CHD2: variants seen among roughly 807,000 people sequenced by gnomAD.
CHD2 encodes the protein ATP-dependent chromatin remodeler CHD2.
Under a neutral mutation model 243.9 loss-of-function variants are expected in CHD2, and 28 were observed. The observed-to-expected ratio is 0.11, with a 90% CI of 0.09 to 0.16. The LOEUF (loss-of-function observed/expected upper bound fraction) is 0.16. Among genes scored for constraint, CHD2 ranks in the 10% least tolerant of loss-of-function variants. The probability of loss-of-function intolerance (pLI) is 1.00; values close to 1 mark genes in which losing one functional copy is unlikely to be tolerated. For synonymous variants in CHD2, 775 were observed against 779.0 expected (o/e 0.99, Z 0.09); for missense variants, 1,386 against 2,209.8 (o/e 0.63, Z 7.47).
chr15:92,915,093 C>T (rs899430183), intron 2 of CHD2: 1 of 152,090 alleles, frequency 6.6e-6, no homozygotes, highest in Non-Finnish European at 1.5e-5. Flanking sequence ...TAGTGGCCTT[C>T]CATAGATTCT....
chr15:92,907,142 A>AT (rs1223010747), intron 2 of CHD2, among the ~76,000 whole-genome samples: 2 of 151,752 alleles, frequency 1.3e-5, no homozygotes, highest in Non-Finnish European at 2.9e-5. Flanking sequence ...GGGGAGAGAC[A>AT]TTTTTTAAAA....
rs116715367 is a variant in CHD2, at chr15:92,905,597, T to G, written c.62+4298T>G. Among the ~76,000 whole-genome samples the G allele has an allele frequency of 2.7e-3, 412 of 152,322 alleles. 1 individual carries two copies. The highest frequency in any genetic ancestry group is 8.2e-3 in the African/African-American group (341 of 41,568). ...ATATTTGCTTGGGCGTATGTCAAGT[T>G]TCTGAATACAGTCTGTGAAAGTTAG... On this transcript the variant is annotated intron_variant, in intron 2 of 38. Coordinates refer to ENST00000394196, the MANE Select transcript of CHD2 (RefSeq NM_001271.4).
At chr15:92,973,884 T>A (rs576298953) in intron 19 of CHD2, 1 of 152,328 alleles carries the variant, frequency 6.6e-6, no homozygotes, top group African/African-American at 2.4e-5. Flanking sequence ...AATCTCCCAT[T>A]GAATACGTCT....
rs1243494390 is a variant in CHD2, at chr15:92,937,506, T to A, written c.444-12T>A. On this transcript the variant is annotated splice_polypyrimidine_tract_variant and intron_variant, in intron 5 of 38. Coordinates refer to ENST00000394196, the MANE Select transcript of CHD2 (RefSeq NM_001271.4). ...TTAGAAAAAAATTACTTTGTTTTGC[T>A]TTTGATCACAGAGAAAAATGGAAAC... 6.3e-7 allele frequency: 1 copy of A among 1,581,060 alleles called. No homozygotes were observed. The highest frequency in any genetic ancestry group is 1.4e-5 in the African/African-American group (1 of 73,074).
intron 7 of CHD2, 105 bp from the exon 8 acceptor site, chr15:92,941,717 T>G: frequency 8.3e-7 from 1 of 1,210,152 alleles, no homozygotes; most frequent in Non-Finnish European, 1.2e-6. Flanking sequence ...ACAACATGCT[T>G]TTGGAACCAA....
chr15:92,973,197 A>G (rs12594991), intron 19 of CHD2, among the ~76,000 whole-genome samples: 69,286 of 151,984 alleles, frequency 0.46, 16,857 homozygotes, highest in East Asian at 0.85. Flanking sequence ...TCCCTGAAGT[A>G]AGTGATGATG....
chr15:92,933,125 G>T (rs2053204914), intron 5 of CHD2, among the ~76,000 whole-genome samples: 1 of 149,260 alleles, frequency 6.7e-6, no homozygotes, highest in African/African-American at 2.5e-5. Flanking sequence ...CTGCAACCTT[G>T]AACTCCTGAG....
chr15:92,942,862 T>C lies in CHD2; in HGVS notation c.846T>C (p.Thr282=), dbSNP rs763813072. The change falls in exon 9 of 39, where the codon ACT becomes ACC. Residue 282 remains threonine (T), a synonymous_variant. Coordinates refer to ENST00000394196, the MANE Select transcript of CHD2 (RefSeq NM_001271.4). The stretch of plus-strand genomic sequence containing the variant: ...TTGCAGCCACTGGAGCATCTACTAC[T>C]GTATATGCGATTGAAGCTAATGGCG... ...GKKGATGAST[T]VYAIEANGDP... 16 of 1,612,648 alleles carry C rather than the reference T, an allele frequency of 9.9e-6. No individual in the cohort carries two copies. The highest frequency in any genetic ancestry group is 5.1e-6 in the Non-Finnish European group (6 of 1,179,364).
At chr15:92,933,037 C>T (rs936190580) in intron 5 of CHD2, among the ~76,000 whole-genome samples, 18 of 71,990 alleles carry the variant, frequency 2.5e-4, no homozygotes, top group East Asian at 4.3e-4. Context: ...CCACCGCGCC[C>T]GGCCCCTTTT....
chr15:93,011,027 G>A (rs1002830224), intron 35 of CHD2, among the ~76,000 whole-genome samples: 6 of 151,172 alleles, frequency 4.0e-5, no homozygotes, highest in East Asian at 1.9e-4. Flanking sequence ...TTTTTTTTCC[G>A]CTTAACACTG....
intron 20 of CHD2, 164 bp from the exon 21 acceptor site, chr15:92,978,070 T>G: frequency 1.3e-6 from 1 of 747,832 alleles, no homozygotes; most frequent in Non-Finnish European, 2.2e-6. Flanking sequence ...GAAAATTCAT[T>G]CTACCATCAA....
chr15:92,992,854 C>T lies in CHD2; in HGVS notation c.3456-5C>T, dbSNP rs373103482. 6.2e-7 allele frequency: 1 copy of T among 1,612,652 alleles called. No homozygotes were observed. The highest frequency in any genetic ancestry group is 1.3e-5 in the African/African-American group (1 of 75,058). On this transcript the variant is annotated splice_region_variant and splice_polypyrimidine_tract_variant and intron_variant, in intron 27 of 38. Coordinates refer to ENST00000394196, the MANE Select transcript of CHD2 (RefSeq NM_001271.4). ...TAAAGTGTCCCCATATTTGTTCCTCCTCAGGCTGGAGTGCATAGCACGTGA... is the reference window on the plus strand; with the variant it reads ...TAAAGTGTCCCCATATTTGTTCCTCTTCAGGCTGGAGTGCATAGCACGTGA...
intron 20 of CHD2, among the ~76,000 whole-genome samples, chr15:92,975,405 C>G (rs577681710): frequency 6.6e-6 from 1 of 152,126 alleles, no homozygotes; most frequent in Non-Finnish European, 1.5e-5. Context: ...CAATCAGTGT[C>G]GAGCTTGGAT....
chr15:92,919,285 TTAAG>T (rs774935519), intron 2 of CHD2, among the ~76,000 whole-genome samples: 16 of 151,848 alleles, frequency 1.1e-4, no homozygotes, highest in African/African-American at 2.2e-4. Flanking sequence ...AGTATGAAAA[TTAAG>T]TAATGACTTT....
chr15:93,020,293 C>A (rs1596461688), intron 38 of CHD2, 35 bp downstream of exon 38: 1 of 1,613,498 alleles, frequency 6.2e-7, no homozygotes, highest in Non-Finnish European at 8.5e-7. Context: ...AGGTGCCAAC[C>A]TTTGCCAGGA....
intron 35 of CHD2, 35 bp downstream of exon 35, chr15:93,009,358 T>C: frequency 6.3e-7 from 1 of 1,594,836 alleles, no homozygotes; most frequent in Non-Finnish European, 8.6e-7. Flanking sequence ...CAGTTTGATT[T>C]GACTGAGTGT....
chr15:92,991,579 T>A, intron 27 of CHD2, 62 bp downstream of exon 27: 1 of 1,240,256 alleles, frequency 8.1e-7, no homozygotes, highest in South Asian at 1.4e-5. Context: ...TAGTACGTTC[T>A]TTTTTGGTAA....
At chr15:92,989,545 G>C (rs1353458148) in intron 26 of CHD2, among the ~76,000 whole-genome samples, 2 of 152,140 alleles carry the variant, frequency 1.3e-5, no homozygotes, top group Non-Finnish European at 1.5e-5. Flanking sequence ...GCTATGTGTA[G>C]TCTCTACTCC....
At chr15:92,909,344 G>A (rs1003108996) in intron 2 of CHD2, among the ~76,000 whole-genome samples, 7 of 152,128 alleles carry the variant, frequency 4.6e-5, no homozygotes, top group Non-Finnish European at 8.8e-5. Context: ...AAACATTGGT[G>A]GGTTGTGAAT....
Sources: allele counts gnomAD v4.1 joint callset (sites outside exome capture counted in the v4.1 genomes callset), GRCh38; gene constraint gnomAD v4.1.1; transcripts MANE v1.5; gene names NCBI Gene and HGNC (gene_info 2026-07-23, HGNC 2026-07-21).